The following GALNT13 variants were observed in gnomAD, a reference collection of about 807,000 sequenced individuals.
GALNT13 encodes the protein polypeptide N-acetylgalactosaminyltransferase 13.
Under a neutral mutation model 64.2 loss-of-function variants are expected in GALNT13, and 28 were observed. The observed-to-expected ratio is 0.44, with a 90% CI of 0.32 to 0.60. The LOEUF (loss-of-function observed/expected upper bound fraction) is 0.60. GALNT13 is among the 20% of genes least tolerant of loss of function. The pLI, the probability that GALNT13 is intolerant of heterozygous loss-of-function variation, is 0.05. For missense variants in GALNT13, 577 were observed against 669.8 expected (o/e 0.86, Z 1.53); for synonymous variants, 214 against 224.6 (o/e 0.95, Z 0.42).
At chr2:154,229,889 GAAGA>G (rs1014778805) in intron 4 of GALNT13, among the ~76,000 whole-genome samples, 9 of 152,094 alleles carry the variant, frequency 5.9e-5, no homozygotes, top group Non-Finnish European at 1.0e-4. Context: ...CATTAGGAAG[GAAGA>G]GTCATCAAAA....
chr2:153,184,485 T>C, the GALNT13 span, among the ~76,000 whole-genome samples: 2 of 152,244 alleles, frequency 1.3e-5, no homozygotes, highest in African/African-American at 2.4e-5. Flanking sequence ...CTGATTGTCC[T>C]GGCCAGAACA....
the GALNT13 span, among the ~76,000 whole-genome samples, chr2:153,567,143 G>A: frequency 6.6e-6 from 1 of 152,188 alleles, no homozygotes; most frequent in Admixed American, 6.5e-5. Flanking sequence ...TGTCAAGGAT[G>A]GGAAATTCCA....
chr2:153,811,945 T>C, the GALNT13 span, among the ~76,000 whole-genome samples: 1 of 152,222 alleles, frequency 6.6e-6, no homozygotes, highest in African/African-American at 2.4e-5. Flanking sequence ...TAGCAAACTG[T>C]ATAAAGTACA....
At chr2:153,963,954 A>G (rs939862435) in intron 3 of GALNT13, among the ~76,000 whole-genome samples, 6 of 152,092 alleles carry the variant, frequency 3.9e-5, no homozygotes, top group African/African-American at 1.4e-4. Flanking sequence ...TGTTCTAGCT[A>G]AGAAATATTT....
the GALNT13 span, among the ~76,000 whole-genome samples, chr2:153,485,816 C>T: frequency 6.6e-6 from 1 of 152,168 alleles, no homozygotes; most frequent in African/African-American, 2.4e-5. Context: ...ATGAGGATTG[C>T]TTGAGCCCAG....
At chr2:153,276,782 A>G in the GALNT13 span, among the ~76,000 whole-genome samples, 1 of 152,136 alleles carries the variant, frequency 6.6e-6, no homozygotes, top group Admixed American at 6.5e-5. Context: ...AATTATTTAT[A>G]TATTCTAGAT....
the GALNT13 span, among the ~76,000 whole-genome samples, chr2:153,842,800 A>T: frequency 3.3e-5 from 5 of 152,104 alleles, no homozygotes; most frequent in Non-Finnish European, 5.9e-5. Context: ...TGTAATAACC[A>T]CATATGAACT....
the GALNT13 span, among the ~76,000 whole-genome samples, chr2:153,483,346 T>C: frequency 2.0e-5 from 3 of 151,220 alleles, no homozygotes; most frequent in Non-Finnish European, 4.4e-5. Flanking sequence ...ACAAATGAAG[T>C]GATAAACAAA....
At chr2:153,120,462 G>GT in the GALNT13 span, among the ~76,000 whole-genome samples, 22 of 152,238 alleles carry the variant, frequency 1.4e-4, no homozygotes, top group Admixed American at 8.5e-4. Context: ...CTTTAGGCCA[G>GT]TTTTTTTCTA....
the GALNT13 span, among the ~76,000 whole-genome samples, chr2:153,505,722 A>T: frequency 1.2e-4 from 18 of 152,022 alleles, no homozygotes; most frequent in Non-Finnish European, 2.6e-4. Context: ...CTGAGAGAGT[A>T]CTTGATATCA....
the GALNT13 span, among the ~76,000 whole-genome samples, chr2:153,723,134 C>A: frequency 7.1e-6 from 1 of 140,862 alleles, no homozygotes; most frequent in Non-Finnish European, 1.5e-5. Flanking sequence ...CCCTGGGATG[C>A]AAGGCTGGTT....
the GALNT13 span, among the ~76,000 whole-genome samples, chr2:153,105,569 G>T: frequency 6.6e-6 from 1 of 152,174 alleles, no homozygotes; most frequent in Non-Finnish European, 1.5e-5. Context: ...ATTAGGAAAA[G>T]AGGAAGTCAA....
the GALNT13 span, among the ~76,000 whole-genome samples, chr2:153,194,889 C>T: frequency 6.6e-6 from 1 of 152,174 alleles, no homozygotes; most frequent in Non-Finnish European, 1.5e-5. Flanking sequence ...TTTAGCTGCA[C>T]TTGTTAGTGG....
the GALNT13 span, among the ~76,000 whole-genome samples, chr2:153,579,721 G>C: frequency 3.3e-5 from 5 of 152,148 alleles, 1 homozygote; most frequent in Admixed American, 1.3e-4. Context: ...AGGTGTTACC[G>C]CCTGAGCTCC....
intron 9 of GALNT13, among the ~76,000 whole-genome samples, chr2:154,310,636 ACT>A (rs1348791110): frequency 6.6e-6 from 1 of 152,140 alleles, no homozygotes; most frequent in Non-Finnish European, 1.5e-5. Context: ...GTTGTCCCTT[ACT>A]ACAAAAAAGT....
chr2:154,068,877 G>A (rs566099023), intron 3 of GALNT13, among the ~76,000 whole-genome samples: 1 of 152,068 alleles, frequency 6.6e-6, no homozygotes, highest in South Asian at 2.1e-4. Context: ...TAGTTATTTA[G>A]TATCCAGTAT....
At chr2:153,096,712 A>G in the GALNT13 span, among the ~76,000 whole-genome samples, 1 of 152,070 alleles carries the variant, frequency 6.6e-6, no homozygotes, top group African/African-American at 2.4e-5. Flanking sequence ...CACTGGCATG[A>G]AATATCTTTT....
At chr2:153,171,235 T>C in the GALNT13 span, among the ~76,000 whole-genome samples, 1 of 152,218 alleles carries the variant, frequency 6.6e-6, no homozygotes, top group African/African-American at 2.4e-5. Flanking sequence ...AAGCTGTAAA[T>C]GCTTCTGATC....
the GALNT13 span, among the ~76,000 whole-genome samples, chr2:153,473,951 G>C: frequency 6.6e-6 from 1 of 152,162 alleles, no homozygotes; most frequent in East Asian, 1.9e-4. Flanking sequence ...TACTTTCATG[G>C]CTTTGTCCTT....
Sources: allele counts gnomAD v4.1 joint callset (sites outside exome capture counted in the v4.1 genomes callset), GRCh38; gene constraint gnomAD v4.1.1; transcripts MANE v1.5; gene names NCBI Gene and HGNC (gene_info 2026-07-23, HGNC 2026-07-21).